SLC7A14: variants seen among roughly 807,000 people sequenced by gnomAD.
SLC7A14 encodes the protein solute carrier family 7 member 14.
SLC7A14 carries 37 observed loss-of-function variants against 60.2 expected under a neutral mutation model. The ratio of observed to expected loss-of-function variants is 0.61; its 90% CI spans 0.47 to 0.81. The LOEUF (loss-of-function observed/expected upper bound fraction) is 0.81, where lower values mean the gene tolerates loss of function less well. Ranked by LOEUF, SLC7A14 falls within the 30% of genes least tolerant of loss-of-function variation. SLC7A14 has a pLI of 0.00. For synonymous variants in SLC7A14, 399 were observed against 395.8 expected, an observed-to-expected ratio of 1.01 and a Z score of -0.10; for missense variants, 886 against 982.7, an observed-to-expected ratio of 0.90 and a Z score of 1.32.
chr3:170,569,680 A>G (rs904939708), intron 1 of SLC7A14, among the ~76,000 whole-genome samples: 5 of 152,052 alleles, frequency 3.3e-5, no homozygotes, highest in Non-Finnish European at 7.4e-5. Flanking sequence ...TATTGCCACA[A>G]TTTCAGCTCC....
intron 1 of SLC7A14, among the ~76,000 whole-genome samples, chr3:170,536,088 G>A (rs1713829666): frequency 6.6e-6 from 1 of 152,164 alleles, no homozygotes; most frequent in Non-Finnish European, 1.5e-5. Context: ...GTGTGACCTT[G>A]GGTTTGTATC....
chr3:170,467,130 CGCTTT>C lies in SLC7A14; in HGVS notation c.2236_2240del (p.Lys746GlufsTer17). The C allele has an allele frequency of 1.2e-6, 2 of 1,614,238 alleles. No homozygotes were observed. The highest frequency in any genetic ancestry group is 2.2e-5 in the South Asian group (2 of 91,088). Reference sequence around the variant, plus strand: ...TCTGTTTGTGTTTGCTTTTGCTCTTCGCTTTGCTACTTGTCCGGCCGTTTGCCTTC... The same window carrying C: ...TCTGTTTGTGTTTGCTTTTGCTCTTCGCTACTTGTCCGGCCGTTTGCCTTC... On this transcript the variant is annotated frameshift_variant, in exon 8 of 8. Transcript: ENST00000231706. LOFTEE classifies it high-confidence loss of function.
At position 170,480,761 on chromosome 3, in the gene SLC7A14, G is replaced by A; in HGVS notation, c.1521C>T (p.Asn507=). The A allele has an allele frequency of 6.2e-7, 1 of 1,614,200 alleles. No individual in the cohort carries two copies. The highest frequency in any genetic ancestry group is 1.1e-5 in the South Asian group (1 of 91,080). Residue 507 remains asparagine (N), a synonymous_variant, in exon 7 of 8, where the codon AAC becomes AAT. Transcript: ENST00000231706. ...TGTCCACGGTGCCGTAATTGGGGTG[G>A]TTGACGTTGTAGGTTGACTTGTCTG... is the stretch of plus-strand genomic sequence containing the variant. ...GKSDKSTYNV[N]HPNYGTVDMT... is the part of the protein sequence containing the mutation.
intron 6 of SLC7A14, 82 bp from the exon 7 acceptor site, chr3:170,481,248 A>G (rs1489794674): frequency 1.6e-5 from 23 of 1,423,782 alleles, no homozygotes; most frequent in Middle Eastern, 2.5e-4. Flanking sequence ...AGCTAGAACT[A>G]TCAATAGGCT....
intron 1 of SLC7A14, among the ~76,000 whole-genome samples, chr3:170,529,665 C>A (rs1294115249): frequency 2.0e-5 from 3 of 152,128 alleles, no homozygotes; most frequent in Admixed American, 6.5e-5. Context: ...TCATGGCCCC[C>A]CCAAATTAGA....
intron 6 of SLC7A14, among the ~76,000 whole-genome samples, chr3:170,482,351 C>T (rs532766973): frequency 3.3e-5 from 5 of 152,296 alleles, no homozygotes; most frequent in South Asian, 2.1e-4. Flanking sequence ...TTGATCTGTT[C>T]GGCAACCTAA....
intron 2 of SLC7A14, among the ~76,000 whole-genome samples, chr3:170,513,726 T>C (rs980089357): frequency 3.3e-5 from 5 of 152,128 alleles, no homozygotes; most frequent in Non-Finnish European, 5.9e-5. Context: ...ATTCGTTGGG[T>C]TGTTAAATAA....
At chr3:170,570,541 G>T (rs535200727) in intron 1 of SLC7A14, 3 of 152,108 alleles carry the variant, frequency 2.0e-5, no homozygotes, top group Non-Finnish European at 4.4e-5. Context: ...GGCTTGGTGC[G>T]GTTGGGATCC....
intron 1 of SLC7A14, among the ~76,000 whole-genome samples, chr3:170,581,662 TG>T (rs1176745032): frequency 1.3e-5 from 2 of 152,196 alleles, no homozygotes; most frequent in African/African-American, 4.8e-5. Context: ...CTACCCTATT[TG>T]TACATTGTAC....
intron 1 of SLC7A14, among the ~76,000 whole-genome samples, chr3:170,580,919 G>A (rs1226150012): frequency 3.3e-5 from 5 of 152,086 alleles, no homozygotes; most frequent in African/African-American, 9.7e-5. Context: ...TATCAAAATC[G>A]TGAGCCACTA....
intron 5 of SLC7A14, among the ~76,000 whole-genome samples, chr3:170,486,000 G>T (rs531844571): frequency 1.5e-4 from 23 of 152,108 alleles, no homozygotes; most frequent in Non-Finnish European, 7.4e-5. Flanking sequence ...AGGATGGAGG[G>T]GTGGGAATGA....
At chr3:170,579,291 AAATATT>A (rs568834660) in intron 1 of SLC7A14, among the ~76,000 whole-genome samples, 1 of 152,228 alleles carries the variant, frequency 6.6e-6, no homozygotes, top group Non-Finnish European at 1.5e-5. Context: ...GATTGTTATA[AAATATT>A]GACATAATAA....
At chr3:170,502,515 TGGA>T (rs1712648213) in intron 2 of SLC7A14, among the ~76,000 whole-genome samples, 1 of 152,098 alleles carries the variant, frequency 6.6e-6, no homozygotes, top group Admixed American at 6.5e-5. Context: ...GGCAACGAGT[TGGA>T]GGTCAGACAT....
At chr3:170,485,958 C>T (rs1320309208) in intron 5 of SLC7A14, among the ~76,000 whole-genome samples, 1 of 152,112 alleles carries the variant, frequency 6.6e-6, no homozygotes, top group Non-Finnish European at 1.5e-5. Context: ...CACACCAGCC[C>T]CTGGGGCAGC....
intron 1 of SLC7A14, among the ~76,000 whole-genome samples, chr3:170,562,439 T>C (rs183628420): frequency 6.6e-6 from 1 of 151,914 alleles, no homozygotes; most frequent in Non-Finnish European, 1.5e-5. Context: ...GACCTAAGCT[T>C]TGGGGATGCA....
intron 4 of SLC7A14, among the ~76,000 whole-genome samples, chr3:170,494,542 A>G (rs1425434110): frequency 6.6e-6 from 1 of 152,256 alleles, no homozygotes; most frequent in Non-Finnish European, 1.5e-5. Context: ...CAACGCTAAA[A>G]TGTGCCTCCA....
chr3:170,521,729 T>A (rs1194695953), intron 2 of SLC7A14, among the ~76,000 whole-genome samples: 1 of 152,214 alleles, frequency 6.6e-6, no homozygotes, highest in Non-Finnish European at 1.5e-5. Context: ...GAGACCAGCC[T>A]GGCCAATGTG....
At chr3:170,567,945 C>T (rs1048928103) in intron 1 of SLC7A14, among the ~76,000 whole-genome samples, 7 of 151,736 alleles carry the variant, frequency 4.6e-5, no homozygotes, top group African/African-American at 1.7e-4. Flanking sequence ...AAATTTTCTC[C>T]CATTTTGTAG....
At position 170,568,594 on chromosome 3, in the gene SLC7A14, C is replaced by G. The variant is rs535421850; in HGVS notation, c.-153+17317G>C. Reference sequence around the variant, plus strand: ...GGATGGCATTGAATCTATAAATTACCTTGGGCAGTATGGCCATTTTCACGA... The same window carrying G: ...GGATGGCATTGAATCTATAAATTACGTTGGGCAGTATGGCCATTTTCACGA... On this transcript the variant is annotated intron_variant, in intron 1 of 7. Coordinates refer to ENST00000231706, the MANE Select transcript of SLC7A14 (RefSeq NM_020949.3). 2.0e-5 allele frequency among the ~76,000 whole-genome samples: 3 copies of G among 152,244 alleles called. No homozygotes were observed. In the East Asian group the frequency reaches 5.8e-4, roughly 29 times the overall value.
Sources: allele counts gnomAD v4.1 joint callset (sites outside exome capture counted in the v4.1 genomes callset), GRCh38; gene constraint gnomAD v4.1.1; transcripts MANE v1.5; gene names NCBI Gene and HGNC (gene_info 2026-07-23, HGNC 2026-07-21).